The following NYAP2 variants were observed in gnomAD, a reference collection of about 807,000 sequenced individuals.
NYAP2 encodes neuronal tyrosine-phosphorylated phosphoinositide-3-kinase adapter 2.
Under a neutral mutation model 50.4 loss-of-function variants are expected in NYAP2, and 23 were observed. That is an observed-to-expected ratio of 0.46 (90% CI 0.33 to 0.65). The LOEUF (loss-of-function observed/expected upper bound fraction) is 0.65. Among genes scored for constraint, NYAP2 ranks in the 30% least tolerant of loss-of-function variants. The pLI is 0.02. For synonymous variants in NYAP2, 394 were observed against 365.2 expected, an observed-to-expected ratio of 1.08 and a Z score of -0.90; for missense variants, 885 against 861.0, an observed-to-expected ratio of 1.03 and a Z score of -0.35.
At chr2:225,484,341 T>C (rs988929485) in intron 3 of NYAP2, among the ~76,000 whole-genome samples, 1 of 152,240 alleles carries the variant, frequency 6.6e-6, no homozygotes, top group African/African-American at 2.4e-5. Flanking sequence ...AGGGCAGCCC[T>C]TCACTGGGGC....
the NYAP2 span, among the ~76,000 whole-genome samples, chr2:225,660,876 ATACT>A: frequency 6.6e-6 from 1 of 152,164 alleles, no homozygotes; most frequent in Non-Finnish European, 1.5e-5. Context: ...TTTAAAAATA[ATACT>A]TAGGGGAAAA....
chr2:225,577,666 A>C (rs1692191262), intron 4 of NYAP2, among the ~76,000 whole-genome samples: 1 of 152,168 alleles, frequency 6.6e-6, no homozygotes, highest in Non-Finnish European at 1.5e-5. Context: ...GGAAAATGAA[A>C]AGAAAAATTA....
intron 3 of NYAP2, among the ~76,000 whole-genome samples, chr2:225,470,826 T>C (rs1317545203): frequency 7.4e-6 from 1 of 134,462 alleles, no homozygotes; most frequent in African/African-American, 3.0e-5. Context: ...TGTGTGTGTG[T>C]ATATATATTG....
intron 3 of NYAP2, among the ~76,000 whole-genome samples, chr2:225,498,111 A>T (rs1024246278): frequency 2.0e-5 from 3 of 152,114 alleles, no homozygotes; most frequent in Admixed American, 6.6e-5. Flanking sequence ...ATTTATATCC[A>T]TAAATATTTA....
intron 4 of NYAP2, among the ~76,000 whole-genome samples, chr2:225,514,035 A>C (rs961892699): frequency 6.6e-6 from 1 of 152,230 alleles, no homozygotes; most frequent in Non-Finnish European, 1.5e-5. Flanking sequence ...AATTCAGGAA[A>C]ATATCAAGAA....
intron 4 of NYAP2, among the ~76,000 whole-genome samples, chr2:225,532,359 G>A (rs961092821): frequency 6.6e-6 from 1 of 152,050 alleles, no homozygotes; most frequent in Non-Finnish European, 1.5e-5. Context: ...TGATTTTATG[G>A]CTCTATAGCT....
intron 6 of NYAP2, among the ~76,000 whole-genome samples, chr2:225,636,941 A>G (rs1693429916): frequency 6.6e-6 from 1 of 152,236 alleles, no homozygotes; most frequent in South Asian, 2.1e-4. Context: ...AAAATCACCC[A>G]GAAGACCCAT....
intron 3 of NYAP2, among the ~76,000 whole-genome samples, chr2:225,480,268 A>G (rs1435557137): frequency 6.6e-6 from 1 of 152,096 alleles, no homozygotes; most frequent in Non-Finnish European, 1.5e-5. Context: ...GTAAAATTCT[A>G]GAAAGAAAAA....
At chr2:225,606,210 C>A (rs1383401703) in intron 5 of NYAP2, among the ~76,000 whole-genome samples, 1 of 152,076 alleles carries the variant, frequency 6.6e-6, no homozygotes, top group Non-Finnish European at 1.5e-5. Flanking sequence ...GGGCTCATAA[C>A]CCCAAAGATG....
chr2:225,535,486 G>T (rs1326397433), intron 4 of NYAP2, among the ~76,000 whole-genome samples: 2 of 152,204 alleles, frequency 1.3e-5, no homozygotes, highest in Non-Finnish European at 2.9e-5. Flanking sequence ...AAGGAGGTCA[G>T]TGTTGAGGGA....
intron 3 of NYAP2, among the ~76,000 whole-genome samples, chr2:225,507,900 C>A (rs1266628331): frequency 2.6e-5 from 4 of 152,224 alleles, no homozygotes; most frequent in Admixed American, 2.6e-4. Context: ...TGTTATACAG[C>A]TGCTAAATAA....
At chr2:225,680,608 A>G in the NYAP2 span, among the ~76,000 whole-genome samples, 91,051 of 151,978 alleles carry the variant, frequency 0.6, 29,194 homozygotes, top group South Asian at 0.82. Context: ...GAACATATAA[A>G]ATCAAATTCA....
chr2:225,422,667 GA>G (rs1483416569), intron 3 of NYAP2, among the ~76,000 whole-genome samples: 1 of 151,992 alleles, frequency 6.6e-6, no homozygotes, highest in Non-Finnish European at 1.5e-5. Context: ...AATACAACTG[GA>G]AAAAAGTATA....
intron 3 of NYAP2, among the ~76,000 whole-genome samples, chr2:225,476,495 C>T (rs187088860): frequency 6.6e-6 from 1 of 152,006 alleles, no homozygotes; most frequent in Non-Finnish European, 1.5e-5. Flanking sequence ...ATGCCTTTAC[C>T]CAGCAATGTG....
At chr2:225,632,390 T>C (rs1030111133) in intron 6 of NYAP2, among the ~76,000 whole-genome samples, 3 of 152,204 alleles carry the variant, frequency 2.0e-5, no homozygotes, top group African/African-American at 7.2e-5. Context: ...TCTGCGTCTA[T>C]TTCTCTCTGT....
the NYAP2 span, among the ~76,000 whole-genome samples, chr2:225,677,321 C>T: frequency 0.031 from 4,642 of 152,160 alleles, 255 homozygotes; most frequent in African/African-American, 0.11. Context: ...GTGGAGTCTT[C>T]AGGGTTTCCT....
intron 3 of NYAP2, among the ~76,000 whole-genome samples, chr2:225,484,110 A>C (rs774570294): frequency 6.6e-6 from 1 of 152,180 alleles, no homozygotes; most frequent in African/African-American, 2.4e-5. Flanking sequence ...TCAGGTTTTT[A>C]AGTTGGTGCT....
At chr2:225,491,507 A>G (rs902339631) in intron 3 of NYAP2, among the ~76,000 whole-genome samples, 1 of 152,174 alleles carries the variant, frequency 6.6e-6, no homozygotes, top group African/African-American at 2.4e-5. Flanking sequence ...TTTCTCAGCA[A>G]TTTCTTGAAA....
At chr2:225,402,800 T>A (rs1694884806) in intron 2 of NYAP2, among the ~76,000 whole-genome samples, 1 of 151,826 alleles carries the variant, frequency 6.6e-6, no homozygotes, top group Non-Finnish European at 1.5e-5. Flanking sequence ...ATTTGTGGGG[T>A]AGGGAGTAGG....
Sources: gnomAD v4.1 joint callset for allele counts (sites outside exome capture counted in the v4.1 genomes callset) on GRCh38, gnomAD v4.1.1 for gene constraint, MANE v1.5 for transcripts, NCBI Gene and HGNC (gene_info 2026-07-23, HGNC 2026-07-21) for gene names.